Variants in TSPAN4 observed in about 807,000 individuals in gnomAD.
TSPAN4 encodes the protein tetraspanin-4.
In TSPAN4, 38 loss-of-function variants were observed where a neutral mutation model predicts 31.5. The ratio of observed to expected loss-of-function variants is 1.21; its 90% CI spans 0.93 to 1.58. The LOEUF (loss-of-function observed/expected upper bound fraction) is 1.58, where lower values mean the gene tolerates loss of function less well. TSPAN4 is among the 40% of genes most tolerant of loss of function. The pLI is 0.00. For synonymous variants in TSPAN4, 186 were observed against 144.6 expected, an observed-to-expected ratio of 1.29 and a Z score of -2.06; for missense variants, 330 against 317.3, an observed-to-expected ratio of 1.04 and a Z score of -0.30.
At chr11:853,885 C>T (rs1039184733) in intron 3 of TSPAN4, among the ~76,000 whole-genome samples, 6 of 152,182 alleles carry the variant, frequency 3.9e-5, no homozygotes, top group East Asian at 1.9e-4. Flanking sequence ...AGCCTCATTC[C>T]GGGGGAGGCT....
chr11:850,332 A>G lies in TSPAN4; in HGVS notation c.28A>G (p.Lys10Glu). The G allele has an allele frequency of 6.2e-7, 1 of 1,607,688 alleles. No individual in the cohort carries two copies. The highest frequency in any genetic ancestry group is 2.2e-5 in the East Asian group (1 of 44,780). Residue 10 changes from lysine to glutamate, a missense_variant, in exon 3 of 9, where the codon AAG becomes GAG. Physicochemically the swap from Lys to Glu is moderately conservative, Grantham distance 56 (BLOSUM62 1). Coordinates refer to ENST00000397397, the MANE Select transcript of TSPAN4 (RefSeq NM_003271.5). The part of the protein sequence containing the change: MARACLQAV[K>E]YLMFAFNLLF... The stretch of plus-strand genomic sequence containing the variant: ...GGCGCGCGCCTGCCTCCAGGCCGTC[A>G]AGTACCTCATGTTCGCCTTCAACCT...
chr11:858,873 A>G (rs893697213), intron 3 of TSPAN4, among the ~76,000 whole-genome samples: 2 of 56,462 alleles, frequency 3.5e-5, no homozygotes, highest in African/African-American at 1.5e-4. Flanking sequence ...CCCGGCTCCC[A>G]TGCACCCCTG....
chr11:864,661 A>T, intron 5 of TSPAN4, 150 bp downstream of exon 5: 1 of 963,238 alleles, frequency 1.0e-6, no homozygotes, highest in Non-Finnish European at 1.6e-6. Context: ...CCAGGCCTGG[A>T]GGGGCAGCGC....
chr11:862,436 G>C, intron 3 of TSPAN4, 114 bp from the exon 4 acceptor site: 1 of 1,005,016 alleles, frequency 1.0e-6, no homozygotes, highest in Non-Finnish European at 1.4e-6. Context: ...GGTGGTTCTG[G>C]CTCAGGCTGG....
At chr11:844,807 G>C (rs570434276) in intron 1 of TSPAN4, among the ~76,000 whole-genome samples, 1 of 152,110 alleles carries the variant, frequency 6.6e-6, no homozygotes, top group Non-Finnish European at 1.5e-5. Context: ...ACAGGGAGCA[G>C]AGGGTGGGCT....
At chr11:847,110 G>T (rs1847363787) in intron 1 of TSPAN4, 91 bp from the exon 2 acceptor site, 1 of 152,250 alleles carries the variant, frequency 6.6e-6, no homozygotes, top group South Asian at 2.1e-4. Context: ...GGCCCCAGGT[G>T]GGGGTTCCCT....
chr11:862,786 G>T, intron 4 of TSPAN4, 45 bp downstream of exon 4: 1 of 1,544,034 alleles, frequency 6.5e-7, no homozygotes, highest in South Asian at 1.2e-5. Context: ...GACCACGCAG[G>T]GTGGGGCTCC....
chr11:866,065 A>G, intron 8 of TSPAN4, 64 bp downstream of exon 8: 1 of 1,559,762 alleles, frequency 6.4e-7, no homozygotes, highest in Non-Finnish European at 8.8e-7. Context: ...AGCCCAGGGA[A>G]CAAAGTAGCA....
chr11:865,634 G>A lies in TSPAN4; in HGVS notation c.432+20G>A. 6.2e-7 allele frequency: 1 copy of A among 1,612,272 alleles called. No individual in the cohort carries two copies. Among genetic ancestry groups the A allele is most frequent in the Non-Finnish European group, 8.5e-7 (1 of 1,179,678 alleles). ...ACCGACGTGAGGCGTGGGCAGGTGG[G>A]CGGGGTCGGCGGGTGCCCCCTCCCC... On this transcript the variant is annotated intron_variant, in intron 6 of 8. Coordinates refer to ENST00000397397, the MANE Select transcript of TSPAN4 (RefSeq NM_003271.5).
intron 3 of TSPAN4, among the ~76,000 whole-genome samples, chr11:862,049 G>A (rs1228287209): frequency 1.3e-5 from 2 of 152,238 alleles, no homozygotes; most frequent in African/African-American, 2.4e-5. Context: ...GCTGGGAATC[G>A]GAATCCTGGG....
At chr11:855,286 G>A (rs1219791103) in intron 3 of TSPAN4, among the ~76,000 whole-genome samples, 1 of 152,220 alleles carries the variant, frequency 6.6e-6, no homozygotes, top group Admixed American at 6.5e-5. Context: ...GCCCACGCAG[G>A]GGGACGGGAG....
intron 3 of TSPAN4, among the ~76,000 whole-genome samples, chr11:856,060 G>A (rs1212727881): frequency 2.6e-5 from 4 of 152,216 alleles, no homozygotes; most frequent in East Asian, 1.9e-4. Context: ...CAAGGGGGCC[G>A]TCCCGCAGCA....
At chr11:859,800 G>C (rs987455724) in intron 3 of TSPAN4, 1 of 152,186 alleles carries the variant, frequency 6.6e-6, no homozygotes, top group African/African-American at 2.4e-5. Flanking sequence ...GCTGCTTCTG[G>C]GGCTGGCTTT....
At chr11:850,231 C>T in intron 2 of TSPAN4, 57 bp from the exon 3 acceptor site, 2 of 1,441,000 alleles carry the variant, frequency 1.4e-6, no homozygotes, top group Admixed American at 3.9e-5. Flanking sequence ...TACACGTCGC[C>T]CAAGGGCAAC....
chr11:866,624 C>A lies in TSPAN4; in HGVS notation c.711C>A (p.Cys237Ter). Residue 237 changes from cysteine to a stop codon, truncating the protein, a stop_gained, in exon 9 of 9, where the codon TGC becomes TGA. Coordinates refer to ENST00000397397, the MANE Select transcript of TSPAN4 (RefSeq NM_003271.5). LOFTEE classifies it high-confidence loss of function. The stretch of plus-strand genomic sequence containing the variant: ...AAGTGGTCAAGGCAGACACCTACTG[C>A]GCGTAGGCCGCCCACCGCCCGCTTC... ...YCQVVKADTY[C>*]A is the part of the protein sequence containing the mutation. 2 of 1,612,246 alleles carry A rather than the reference C, an allele frequency of 1.2e-6. No individual in the cohort carries two copies. The highest frequency in any genetic ancestry group is 2.2e-5 in the South Asian group (2 of 91,008).
At chr11:860,621 G>A (rs1037303541) in intron 3 of TSPAN4, among the ~76,000 whole-genome samples, 10 of 152,194 alleles carry the variant, frequency 6.6e-5, no homozygotes, top group Non-Finnish European at 1.5e-5. Flanking sequence ...GCTGCTGGTG[G>A]CCAGCAGCTA....
chr11:844,757 G>A (rs1847207306), intron 1 of TSPAN4, among the ~76,000 whole-genome samples: 1 of 151,738 alleles, frequency 6.6e-6, no homozygotes, highest in Non-Finnish European at 1.5e-5. Context: ...TGGTTTTATA[G>A]AAGGGGGCGT....
At chr11:853,056 G>A (rs1847843829) in intron 3 of TSPAN4, among the ~76,000 whole-genome samples, 1 of 151,988 alleles carries the variant, frequency 6.6e-6, no homozygotes, top group South Asian at 2.1e-4. Context: ...GGGTGTGGCT[G>A]TGGGTGTGGG....
Position 865,598 on chromosome 11 carries a change from G to A in TSPAN4, c.416G>A (p.Ser139Asn). 1.2e-6 allele frequency: 2 copies of A among 1,612,938 alleles called. No homozygotes were observed. Among genetic ancestry groups the A allele is most frequent in the Non-Finnish European group, 1.7e-6 (2 of 1,179,896 alleles). The change falls in exon 6 of 9, where the codon AGC becomes AAC. Residue 139 changes from serine to asparagine, a missense_variant. Ser to Asn is a conservative substitution (Grantham distance 46). Transcript: ENST00000397397. ...AACGTGGGCCTCACCAACGCCTGGAGCATCATCCAGACCGACGTGAGGCGT... is the reference window on the plus strand; with the variant it reads ...AACGTGGGCCTCACCAACGCCTGGAACATCATCCAGACCGACGTGAGGCGT... Reference protein sequence around the residue: ...QGNVGLTNAWSIIQTDFRCCG... With the variant: ...QGNVGLTNAWNIIQTDFRCCG...
Sources: allele counts gnomAD v4.1 joint callset (sites outside exome capture counted in the v4.1 genomes callset), GRCh38; gene constraint gnomAD v4.1.1; transcripts MANE v1.5; gene names NCBI Gene and HGNC (gene_info 2026-07-23, HGNC 2026-07-21).